Variants in CASD1 observed in about 807,000 individuals in gnomAD.
CASD1 encodes the protein CAS1 domain sialic acid O acetyltransferase 1, also known as N-acetylneuraminate (7)9-O-acetyltransferase.
In CASD1, 41 loss-of-function variants were observed where a neutral mutation model predicts 100.0. The observed-to-expected ratio is 0.41, with a 90% CI of 0.32 to 0.53. CASD1 has a LOEUF of 0.53. Ranked by LOEUF, CASD1 falls within the 20% of genes least tolerant of loss-of-function variation. The probability of loss-of-function intolerance (pLI) is 0.25; values close to 1 mark genes in which losing one functional copy is unlikely to be tolerated. For missense variants in CASD1, 774 were observed against 948.7 expected, an observed-to-expected ratio of 0.82 and a Z score of 2.42; for synonymous variants, 321 against 315.6, an observed-to-expected ratio of 1.02 and a Z score of -0.18.
intron 1 of CASD1, among the ~76,000 whole-genome samples, chr7:94,516,023 C>A (rs1449832185): frequency 1.3e-5 from 2 of 151,792 alleles, no homozygotes; most frequent in Non-Finnish European, 2.9e-5. Flanking sequence ...TTTTTTTACT[C>A]ATCCTTAGTT....
chr7:94,538,379 A>G (rs1003131936), intron 9 of CASD1, among the ~76,000 whole-genome samples: 17 of 152,268 alleles, frequency 1.1e-4, no homozygotes, highest in Middle Eastern at 3.4e-3. Flanking sequence ...CTGATTTTCC[A>G]ATTTTAGAAT....
intron 1 of CASD1, among the ~76,000 whole-genome samples, chr7:94,510,541 C>T (rs1444270783): frequency 6.6e-6 from 1 of 152,196 alleles, no homozygotes; most frequent in Non-Finnish European, 1.5e-5. Flanking sequence ...CGGGGAGACG[C>T]TCCAGATCAG....
At chr7:94,579,986 C>A in the CASD1 span, among the ~76,000 whole-genome samples, 1 of 152,142 alleles carries the variant, frequency 6.6e-6, no homozygotes, top group Non-Finnish European at 1.5e-5. Flanking sequence ...CCTCTCTGTT[C>A]CTCAACACTA....
chr7:94,554,246 T>G (rs988933034), intron 16 of CASD1: 7 of 331,112 alleles, frequency 2.1e-5, no homozygotes, highest in Admixed American at 4.4e-5. Context: ...TGTTCAGCCA[T>G]GTACTACTTA....
Position 94,527,221 on chromosome 7 carries a change from TAGTA to T in CASD1, c.396+18_396+21del, listed in dbSNP as rs761702524. On this transcript the variant is annotated intron_variant, in intron 4 of 17. Coordinates refer to ENST00000297273, the MANE Select transcript of CASD1 (RefSeq NM_022900.5). Reference sequence around the variant, plus strand: ...CAGTTAAAGTGGTAAGTTCATGTAATAGTAAGCTAGATGTTACAATGTTGAAACT... The same window carrying T: ...CAGTTAAAGTGGTAAGTTCATGTAATAGCTAGATGTTACAATGTTGAAACT... The T allele has an allele frequency of 1.0e-5, 16 of 1,575,810 alleles. No individual in the cohort carries two copies. The highest frequency in any genetic ancestry group is 1.3e-5 in the African/African-American group (1 of 74,132).
chr7:94,542,669 A>G (rs151125249), intron 10 of CASD1, among the ~76,000 whole-genome samples: 72 of 152,296 alleles, frequency 4.7e-4, no homozygotes, highest in African/African-American at 1.7e-3. Context: ...ATAGCAGTTA[A>G]TGACCATCTA....
intron 10 of CASD1, among the ~76,000 whole-genome samples, chr7:94,541,836 C>T (rs1170340463): frequency 6.6e-6 from 1 of 151,790 alleles, no homozygotes; most frequent in Non-Finnish European, 1.5e-5. Flanking sequence ...ATGTAAGAAA[C>T]CATCCTTTTT....
At chr7:94,553,879 A>G (rs28567596) in intron 16 of CASD1, 13,481 of 152,102 alleles carry the variant, frequency 0.089, 692 homozygotes, top group East Asian at 0.16. Flanking sequence ...ACAAAAGGAC[A>G]GGGGAGAGGA....
At chr7:94,575,669 G>A in the CASD1 span, among the ~76,000 whole-genome samples, 3 of 152,128 alleles carry the variant, frequency 2.0e-5, no homozygotes, top group African/African-American at 7.2e-5. Flanking sequence ...GGTAGGGCAG[G>A]CTTTCTAGCA....
chr7:94,522,798 C>T (rs1794354233), intron 3 of CASD1, among the ~76,000 whole-genome samples: 1 of 152,040 alleles, frequency 6.6e-6, no homozygotes, highest in African/African-American at 2.4e-5. Flanking sequence ...GCTGGGACTA[C>T]AGGCGCCTGC....
chr7:94,537,733 C>A lies in CASD1; in HGVS notation c.1105C>A (p.Gln369Lys), dbSNP rs1562942592. Residue 369 changes from glutamine (Q) to lysine (K), a missense_variant, in exon 9 of 18, where the codon CAA (glutamine) becomes AAA (lysine). Physicochemically the swap from Gln to Lys is moderately conservative, Grantham distance 53 (BLOSUM62 1). Transcript: ENST00000297273. ...TPVSSLEILL[Q>K]SFCKLGLIMA... ...TGTGTCTTCATTAGAAATACTTTTA[C>A]AATCTTTCTGCAAACTTGGCCTGAT... The A allele has an allele frequency of 3.7e-6, 6 of 1,613,706 alleles. No individual in the cohort carries two copies. Among genetic ancestry groups the A allele is most frequent in the Non-Finnish European group, 5.1e-6 (6 of 1,179,852 alleles).
At chr7:94,539,516 A>G (rs1163854592) in intron 10 of CASD1, among the ~76,000 whole-genome samples, 1 of 152,062 alleles carries the variant, frequency 6.6e-6, no homozygotes, top group Non-Finnish European at 1.5e-5. Flanking sequence ...TAAAAATACA[A>G]AAACTAGCCA....
the CASD1 span, among the ~76,000 whole-genome samples, chr7:94,612,311 T>G: frequency 1.4e-4 from 21 of 152,186 alleles, no homozygotes; most frequent in Non-Finnish European, 2.5e-4. Context: ...ACCTGAGGTA[T>G]AAAAACAAAA....
intron 8 of CASD1, among the ~76,000 whole-genome samples, chr7:94,536,877 C>G (rs914159388): frequency 1.3e-5 from 2 of 152,132 alleles, no homozygotes; most frequent in Non-Finnish European, 1.5e-5. Context: ...CATTAGATAT[C>G]TTAAAACTTG....
At chr7:94,608,480 T>C in the CASD1 span, among the ~76,000 whole-genome samples, 1 of 152,238 alleles carries the variant, frequency 6.6e-6, no homozygotes, top group African/African-American at 2.4e-5. Context: ...CTAAATATTG[T>C]CCATATGCCA....
In CASD1 at chr7:94,510,228, C is replaced by T. The variant is rs1415224447; in HGVS notation, c.133+11C>T. 2.7e-6 allele frequency: 4 copies of T among 1,484,780 alleles called. No homozygotes were observed. Among genetic ancestry groups the T allele is most frequent in the South Asian group, 2.6e-5 (2 of 78,060 alleles). The allele number at this position is 1,484,780 out of a possible 1,614,324, so 92.0% of individuals were successfully genotyped here. On this transcript the variant is annotated intron_variant, in intron 1 of 17. Coordinates refer to ENST00000297273, the MANE Select transcript of CASD1 (RefSeq NM_022900.5). ...CCCGCCGCTACCGAGGTGAGCGGGC[C>T]CTCCCCTCTGCCCGGGCAGGCCGTG...
the CASD1 span, among the ~76,000 whole-genome samples, chr7:94,579,872 T>TA: frequency 7.9e-4 from 120 of 152,276 alleles, no homozygotes; most frequent in Middle Eastern, 3.4e-3. Flanking sequence ...TGCATAAAAC[T>TA]AAGCTCATAT....
At chr7:94,520,651 C>T (rs1268147814) in intron 3 of CASD1, among the ~76,000 whole-genome samples, 2 of 152,146 alleles carry the variant, frequency 1.3e-5, no homozygotes, top group African/African-American at 2.4e-5. Flanking sequence ...CAACTGGAGC[C>T]TAGGTTTAAA....
chr7:94,567,174 A>C, the CASD1 span, among the ~76,000 whole-genome samples: 1 of 151,616 alleles, frequency 6.6e-6, no homozygotes, highest in African/African-American at 2.4e-5. Context: ...CTGTGAGTTC[A>C]CACCCACATA....
Sources: allele counts gnomAD v4.1 joint callset (sites outside exome capture counted in the v4.1 genomes callset), GRCh38; gene constraint gnomAD v4.1.1; transcripts MANE v1.5; gene names NCBI Gene and HGNC (gene_info 2026-07-23, HGNC 2026-07-21).